DNAH5: variants seen among roughly 807,000 people sequenced by gnomAD.
The protein encoded by DNAH5 is axonemal beta dynein heavy chain 5.
A neutral mutation model predicts 518.2 loss-of-function variants in DNAH5; 372 were observed. The observed-to-expected ratio is 0.72, with a 90% CI of 0.66 to 0.78. The LOEUF is 0.78. Among genes scored for constraint, DNAH5 ranks in the 30% least tolerant of loss-of-function variants. The probability of loss-of-function intolerance (pLI) is 0.00; values close to 1 mark genes in which losing one functional copy is unlikely to be tolerated. For synonymous variants in DNAH5, 2,039 were observed against 2,025.9 expected (o/e 1.01, Z -0.17); for missense variants, 5,523 against 5,687.0 (o/e 0.97, Z 0.93).
intron 3 of DNAH5, among the ~76,000 whole-genome samples, chr5:13,926,741 G>A (rs1467850092): frequency 6.6e-6 from 1 of 152,208 alleles, no homozygotes. Context: ...TTGGTTTTAT[G>A]TTTACATCCT....
chr5:13,915,541 G>A (rs1388475557), intron 9 of DNAH5, among the ~76,000 whole-genome samples: 1 of 152,032 alleles, frequency 6.6e-6, no homozygotes, highest in Non-Finnish European at 1.5e-5. Flanking sequence ...TAAGGAAGTT[G>A]GGAGGGAATC....
intron 1 of DNAH5, among the ~76,000 whole-genome samples, chr5:13,962,028 C>T (rs916617051): frequency 1.3e-5 from 2 of 152,092 alleles, no homozygotes; most frequent in African/African-American, 4.8e-5. Context: ...TTGAAGTATA[C>T]TTGATATACC....
Position 13,817,589 on chromosome 5 carries a change from A to G in DNAH5, c.6947T>C (p.Ile2316Thr), listed in dbSNP as rs1761611403. The change falls in exon 42 of 79, where the codon ATA becomes ACA. Residue 2316 changes from isoleucine to threonine, a missense_variant. Physicochemically the swap from Ile to Thr is moderately conservative, Grantham distance 89. Around this residue, in one of 3 missense-constraint regions of DNAH5, gnomAD observed 5,121 missense variants for 5,223.3 expected, o/e 0.98. Transcript: ENST00000265104. ...DVATNDWTDG[I>T]FSTLWRKTLR... ...TGTTTTCCTCCAAAGCGTAGAAAAT[A>G]TCCCATCAGTCCAGTCATTTGTGGC... 4 of 1,614,234 alleles carry G rather than the reference A, an allele frequency of 2.5e-6. No homozygotes were observed. The South Asian group carries it at 4.4e-5, about 18-fold the overall frequency.
At chr5:13,873,951 G>T (rs1770509972) in intron 22 of DNAH5, among the ~76,000 whole-genome samples, 1 of 152,096 alleles carries the variant, frequency 6.6e-6, no homozygotes, top group Non-Finnish European at 1.5e-5. Context: ...AGCATTACAG[G>T]ATTCTAAATG....
At chr5:13,894,508 G>T in intron 16 of DNAH5, 142 bp downstream of exon 16, 3 of 859,174 alleles carry the variant, frequency 3.5e-6, no homozygotes, top group Non-Finnish European at 5.4e-6. Flanking sequence ...CGCATGTTTT[G>T]GAACACTTCC....
chr5:13,993,813 C>A (rs73047512), intron 1 of DNAH5, among the ~76,000 whole-genome samples: 8,465 of 152,218 alleles, frequency 0.056, 501 homozygotes, highest in East Asian at 0.19. Context: ...TAATCTGACC[C>A]AAACACACAG....
chr5:13,995,804 G>T (rs1783895250), intron 1 of DNAH5, among the ~76,000 whole-genome samples: 1 of 152,126 alleles, frequency 6.6e-6, no homozygotes, highest in Non-Finnish European at 1.5e-5. Flanking sequence ...TTTCCAGAGT[G>T]AATACAAAAA....
intron 12 of DNAH5, among the ~76,000 whole-genome samples, chr5:13,905,144 A>G (rs1472305263): frequency 2.0e-5 from 3 of 152,362 alleles, no homozygotes; most frequent in East Asian, 3.9e-4. Context: ...TGTTTAACCA[A>G]TTGAATCAAA....
intron 65 of DNAH5, among the ~76,000 whole-genome samples, chr5:13,747,896 G>T (rs1405768119): frequency 6.6e-6 from 1 of 152,048 alleles, no homozygotes; most frequent in East Asian, 1.9e-4. Context: ...TGTCAATTTT[G>T]TCAATTTTGG....
Position 13,792,151 on chromosome 5 carries a change from G to T in DNAH5, c.8291C>A (p.Thr2764Lys). The T allele has an allele frequency of 6.2e-7, 1 of 1,613,948 alleles. No homozygotes were observed. The highest frequency in any genetic ancestry group is 8.5e-7 in the Non-Finnish European group (1 of 1,179,944). ...TCGGCGTGTCAGAGGCACCAATTTT[G>T]TCACAGAATCTCTCACTTCTTCTGA... ...GFSEEVRDSV[T>K]KLVPLTRRLW... The change falls in exon 50 of 79, where the codon ACA becomes AAA. Residue 2764 changes from threonine (T) to lysine (K), a missense_variant. Physicochemically the swap from Thr to Lys is moderately conservative, Grantham distance 78. Coordinates refer to ENST00000265104, the MANE Select transcript of DNAH5 (RefSeq NM_001369.3).
At chr5:13,834,237 TA>T (rs5866070) in intron 35 of DNAH5, among the ~76,000 whole-genome samples, 62,971 of 151,720 alleles carry the variant, frequency 0.42, 13,487 homozygotes, top group East Asian at 0.61. Flanking sequence ...TTTTTTAATA[TA>T]AAAAAAATAC....
Position 13,793,414 on chromosome 5 carries a change from C to G in DNAH5, c.8224+101G>C, listed in dbSNP as rs916577601. On this transcript the variant is annotated intron_variant, in intron 49 of 78. Coordinates refer to ENST00000265104, the MANE Select transcript of DNAH5 (RefSeq NM_001369.3). ...TGGAGGCTGTAGACCAAGGAGCCAC[C>G]CAGTGCTCTTTCTGTGTGGGTCTTG... is the stretch of plus-strand genomic sequence containing the variant. The G allele has an allele frequency of 4.2e-6, 4 of 941,316 alleles. No individual in the cohort carries two copies. In the East Asian group the frequency reaches 7.2e-5, roughly 17 times the overall value. The allele number at this position is 941,316 out of a possible 1,614,324, so 58.3% of individuals were successfully genotyped here.
intron 47 of DNAH5, among the ~76,000 whole-genome samples, chr5:13,802,324 G>A (rs568989086): frequency 6.6e-6 from 1 of 152,292 alleles, no homozygotes; most frequent in African/African-American, 2.4e-5. Context: ...GCTGAGGAAT[G>A]GAGCTCCCTT....
chr5:13,751,500 T>C (rs1022459118), intron 64 of DNAH5, among the ~76,000 whole-genome samples: 5 of 152,110 alleles, frequency 3.3e-5, no homozygotes, highest in South Asian at 4.1e-4. Context: ...GGACTGAATA[T>C]AGAATTTAAC....
chr5:13,880,577 T>C (rs1375541144), intron 21 of DNAH5, among the ~76,000 whole-genome samples: 1 of 151,946 alleles, frequency 6.6e-6, no homozygotes. Context: ...AGTAAAAGTA[T>C]AGAATTTGTA....
intron 36 of DNAH5, 75 bp from the exon 37 acceptor site, chr5:13,830,288 CT>C (rs1159804885): frequency 3.7e-5 from 50 of 1,345,364 alleles, no homozygotes; most frequent in Non-Finnish European, 5.1e-5. Flanking sequence ...TATTATGTAG[CT>C]GCTAAAATGA....
intron 38 of DNAH5, 93 bp downstream of exon 38, chr5:13,829,417 C>T: frequency 2.2e-6 from 3 of 1,333,358 alleles, no homozygotes; most frequent in Non-Finnish European, 3.2e-6. Flanking sequence ...CCTTTGTCAA[C>T]AAGCCCAGTC....
At chr5:13,978,930 C>A (rs921538990) in intron 1 of DNAH5, among the ~76,000 whole-genome samples, 1 of 152,114 alleles carries the variant, frequency 6.6e-6, no homozygotes, top group Non-Finnish European at 1.5e-5. Flanking sequence ...ACAATGTCTG[C>A]CACCTGGTCT....
At chr5:13,973,269 A>T (rs758344612) in intron 1 of DNAH5, among the ~76,000 whole-genome samples, 9 of 152,266 alleles carry the variant, frequency 5.9e-5, no homozygotes, top group Non-Finnish European at 1.2e-4. Context: ...TAGAAGCTCC[A>T]GAAGGAATGA....
Sources: allele counts gnomAD v4.1 joint callset (sites outside exome capture counted in the v4.1 genomes callset), GRCh38; gene constraint gnomAD v4.1.1; regional missense constraint gnomAD v4.1.1; transcripts MANE v1.5; gene names NCBI Gene and HGNC (gene_info 2026-07-23, HGNC 2026-07-21).